The following MAGI2 variants were observed in gnomAD, a reference collection of about 807,000 sequenced individuals.
MAGI2 encodes the protein membrane-associated guanylate kinase, WW and PDZ domain-containing protein 2.
A neutral mutation model predicts 133.3 loss-of-function variants in MAGI2; 35 were observed. That is an observed-to-expected ratio of 0.26 (90% CI 0.20 to 0.35). MAGI2 has a LOEUF of 0.35. Ranked by LOEUF, MAGI2 falls within the 10% of genes least tolerant of loss-of-function variation. The pLI is 1.00. For synonymous variants in MAGI2, 729 were observed against 710.6 expected (o/e 1.03, Z -0.41); for missense variants, 1,636 against 1,863.4 (o/e 0.88, Z 2.25).
At chr7:79,445,537 T>G (rs1330450545) in intron 1 of MAGI2, among the ~76,000 whole-genome samples, 1 of 152,196 alleles carries the variant, frequency 6.6e-6, no homozygotes, top group Non-Finnish European at 1.5e-5. Context: ...AAAGATGACA[T>G]TTATGAAACC....
At chr7:78,100,548 C>T (rs1247467828) in intron 20 of MAGI2, among the ~76,000 whole-genome samples, 6 of 151,924 alleles carry the variant, frequency 3.9e-5, no homozygotes, top group Non-Finnish European at 2.9e-5. Context: ...GATGGGGGCT[C>T]ACTATGTTGA....
chr7:78,766,042 A>C (rs1419105230), intron 2 of MAGI2, among the ~76,000 whole-genome samples: 3 of 152,196 alleles, frequency 2.0e-5, no homozygotes, highest in African/African-American at 7.2e-5. Flanking sequence ...GAATCCTCCC[A>C]CACTTGGCCA....
chr7:78,921,663 AC>A (rs1799235046), intron 2 of MAGI2, among the ~76,000 whole-genome samples: 1 of 150,392 alleles, frequency 6.6e-6, no homozygotes, highest in South Asian at 2.1e-4. Context: ...ATAGAGTCTC[AC>A]TCTGTTGCCC....
intron 1 of MAGI2, among the ~76,000 whole-genome samples, chr7:79,365,189 T>C (rs556282707): frequency 6.6e-6 from 1 of 152,324 alleles, no homozygotes; most frequent in South Asian, 2.1e-4. Flanking sequence ...CAATGAGCTA[T>C]CACTATATAC....
chr7:78,573,358 TCCTGGAA>T (rs1801902742), intron 3 of MAGI2, among the ~76,000 whole-genome samples: 1 of 39,954 alleles, frequency 2.5e-5, no homozygotes, highest in African/African-American at 1.6e-4. Context: ...AGAGAGAGAA[TCCTGGAA>T]ATATATATAT....
At chr7:78,812,584 GTA>G (rs1307825007) in intron 2 of MAGI2, among the ~76,000 whole-genome samples, 3 of 62,802 alleles carry the variant, frequency 4.8e-5, no homozygotes, top group East Asian at 6.2e-4. Flanking sequence ...ATATATGTAT[GTA>G]TGTGTGTGTG....
At chr7:78,364,315 C>A (rs1485017112) in intron 7 of MAGI2, among the ~76,000 whole-genome samples, 1 of 152,146 alleles carries the variant, frequency 6.6e-6, no homozygotes. Context: ...TAGAAAGCTA[C>A]TCAAAGCCAT....
intron 10 of MAGI2, among the ~76,000 whole-genome samples, chr7:78,224,883 A>AGGAG (rs1304732126): frequency 6.6e-6 from 1 of 152,042 alleles, no homozygotes; most frequent in Non-Finnish European, 1.5e-5. Context: ...AAGTCACTGA[A>AGGAG]GATGCTGGGC....
intron 21 of MAGI2, among the ~76,000 whole-genome samples, chr7:78,022,379 T>G (rs575218598): frequency 6.6e-6 from 1 of 152,344 alleles, no homozygotes; most frequent in Admixed American, 6.5e-5. Flanking sequence ...TAGAGTTAAT[T>G]AGCTGGCCTC....
intron 21 of MAGI2, among the ~76,000 whole-genome samples, chr7:78,066,092 C>A (rs1813776558): frequency 6.6e-6 from 1 of 152,090 alleles, no homozygotes; most frequent in South Asian, 2.1e-4. Flanking sequence ...TACGTAGTGT[C>A]CCCATGTTTA....
At chr7:79,339,458 G>GTT (rs1474615393) in intron 1 of MAGI2, among the ~76,000 whole-genome samples, 10 of 103,372 alleles carry the variant, frequency 9.7e-5, no homozygotes, top group African/African-American at 4.9e-4. Context: ...GTTTGTTTTT[G>GTT]TTTTTGTTTT....
rs146529788 is a variant in MAGI2 at position 79,213,325 on chromosome 7, T to TACACACACACACAC, written c.302-206133_302-206120dup. ...GTGTATTTACACACACGTACACACG[T>TACACACACACACAC]ACACACACACACACACACACACACA... On this transcript the variant is annotated intron_variant, in intron 1 of 21. Transcript: ENST00000354212. Among the ~76,000 whole-genome samples the TACACACACACACAC allele has an allele frequency of 2.3e-4, 34 of 145,468 alleles. 1 individual carries two copies. The East Asian group carries it at 6.5e-3, about 28-fold the overall frequency.
intron 4 of MAGI2, among the ~76,000 whole-genome samples, chr7:78,516,733 A>G (rs1796076572): frequency 6.6e-6 from 1 of 152,210 alleles, no homozygotes; most frequent in Non-Finnish European, 1.5e-5. Flanking sequence ...GGAGGCATAC[A>G]GATCCCTTAG....
intron 9 of MAGI2, among the ~76,000 whole-genome samples, chr7:78,313,486 T>G (rs1363738384): frequency 1.3e-5 from 2 of 152,074 alleles, no homozygotes; most frequent in Non-Finnish European, 2.9e-5. Flanking sequence ...ATTTTCCAAT[T>G]TGAATAATAA....
intron 9 of MAGI2, among the ~76,000 whole-genome samples, chr7:78,314,140 A>C (rs1252531455): frequency 2.6e-5 from 4 of 152,206 alleles, no homozygotes; most frequent in Non-Finnish European, 5.9e-5. Context: ...TAATCTTTAA[A>C]TAAGACTGTA....
At chr7:79,221,508 G>A (rs113449210) in intron 1 of MAGI2, among the ~76,000 whole-genome samples, 174 of 152,102 alleles carry the variant, frequency 1.1e-3, no homozygotes, top group Non-Finnish European at 1.8e-3. Flanking sequence ...GCAACTTGAG[G>A]TGGGAACTAA....
intron 9 of MAGI2, among the ~76,000 whole-genome samples, chr7:78,321,990 C>T (rs983697424): frequency 1.3e-4 from 20 of 152,102 alleles, no homozygotes; most frequent in Non-Finnish European, 1.9e-4. Flanking sequence ...GATATTTATG[C>T]AGCCAAGAAA....
intron 2 of MAGI2, among the ~76,000 whole-genome samples, chr7:78,883,857 A>G (rs899370062): frequency 2.0e-5 from 3 of 152,222 alleles, no homozygotes; most frequent in African/African-American, 7.2e-5. Flanking sequence ...AATTAATTGA[A>G]GATGGATTAA....
chr7:78,968,967 T>G (rs1251624880), intron 2 of MAGI2, among the ~76,000 whole-genome samples: 1 of 152,032 alleles, frequency 6.6e-6, no homozygotes, highest in Non-Finnish European at 1.5e-5. Flanking sequence ...TCCAAACCAT[T>G]TCTTTTCTAA....
Sources: allele counts gnomAD v4.1 joint callset (sites outside exome capture counted in the v4.1 genomes callset), GRCh38; gene constraint gnomAD v4.1.1; transcripts MANE v1.5; gene names NCBI Gene and HGNC (gene_info 2026-07-23, HGNC 2026-07-21).